The following TUSC3 variants were observed in gnomAD, a reference collection of about 807,000 sequenced individuals.
TUSC3 encodes the protein tumor suppressor candidate 3.
A neutral mutation model predicts 44.8 loss-of-function variants in TUSC3; 45 were observed. The observed-to-expected ratio is 1.00, with a 90% CI of 0.79 to 1.29. The LOEUF is 1.29. Among genes scored for constraint, TUSC3 ranks in the 50% most tolerant of loss-of-function variants. The probability of loss-of-function intolerance (pLI) is 0.00; values close to 1 mark genes in which losing one functional copy is unlikely to be tolerated. For synonymous variants in TUSC3, 212 were observed against 152.9 expected (o/e 1.39, Z -2.85); for missense variants, 519 against 437.9 (o/e 1.19, Z -1.65).
intron 2 of TUSC3, among the ~76,000 whole-genome samples, chr8:15,521,451 A>C (rs1178104571): frequency 6.6e-6 from 1 of 152,182 alleles, no homozygotes; most frequent in Non-Finnish European, 1.5e-5. Flanking sequence ...ATCTACAACC[A>C]ACCAGCCATA....
chr8:15,483,551 G>A, intron 2 of TUSC3: 1 of 155,404 alleles, frequency 6.4e-6, no homozygotes, highest in Admixed American at 6.5e-5. Context: ...CGTTGATCAG[G>A]CTGTCTTGAA....
In TUSC3 at chr8:15,745,831, G is replaced by GACTT. The variant is rs551620795; in HGVS notation, c.937+2221_937+2224dup. 2.3e-3 allele frequency among the ~76,000 whole-genome samples: 352 copies of GACTT among 152,002 alleles called. 2 individuals are homozygous for GACTT. Among genetic ancestry groups the GACTT allele is most frequent in the African/African-American group, 8.1e-3 (337 of 41,516 alleles). On this transcript the variant is annotated intron_variant, in intron 8 of 10. Coordinates refer to ENST00000503731, the MANE Select transcript of TUSC3 (RefSeq NM_006765.4). ...GTTTTTATTTGCAATTGCCTTTGGA[G>GACTT]ACTTAGTAAAAAAAATTCTTTGCCA...
chr8:15,721,356 A>G (rs1242575728), intron 6 of TUSC3, among the ~76,000 whole-genome samples: 2 of 152,022 alleles, frequency 1.3e-5, no homozygotes, highest in Non-Finnish European at 2.9e-5. Context: ...ATTTTAAGCC[A>G]TAAAAGTTTT....
At chr8:15,723,265 A>C (rs1163266800) in intron 6 of TUSC3, among the ~76,000 whole-genome samples, 1 of 152,160 alleles carries the variant, frequency 6.6e-6, no homozygotes, top group East Asian at 1.9e-4. Flanking sequence ...TTGCTAAACG[A>C]TGTCCTGCAA....
chr8:15,845,421 G>C, the TUSC3 span, among the ~76,000 whole-genome samples: 5 of 152,092 alleles, frequency 3.3e-5, no homozygotes, highest in Non-Finnish European at 7.4e-5. Context: ...ATGCATATGT[G>C]CATGTTTTTC....
intron 2 of TUSC3, among the ~76,000 whole-genome samples, chr8:15,504,611 ATATATATATATT>A (rs1488442738): frequency 2.3e-3 from 52 of 22,270 alleles, no homozygotes; most frequent in African/African-American, 9.9e-3. Flanking sequence ...ATATATATAT[ATATATATATATT>A]TTTTTTTTTT....
chr8:15,843,596 ATATATAT>A, the TUSC3 span, among the ~76,000 whole-genome samples: 810 of 136,154 alleles, frequency 5.9e-3, 21 homozygotes, highest in African/African-American at 0.019. Context: ...TGATGTACAT[ATATATAT>A]ATATATATAT....
At chr8:15,443,073 A>G (rs926297219) in intron 1 of TUSC3, among the ~76,000 whole-genome samples, 2 of 152,146 alleles carry the variant, frequency 1.3e-5, no homozygotes, top group African/African-American at 4.8e-5. Flanking sequence ...CTATCTTCAG[A>G]GTTCAGCTCA....
chr8:15,704,393 T>C (rs763508778), intron 6 of TUSC3, among the ~76,000 whole-genome samples: 13 of 151,762 alleles, frequency 8.6e-5, no homozygotes, highest in Non-Finnish European at 1.9e-4. Context: ...TTGACATGTG[T>C]TCTATATAAG....
intron 1 of TUSC3, among the ~76,000 whole-genome samples, chr8:15,555,576 T>A (rs936362641): frequency 3.3e-5 from 5 of 151,566 alleles, no homozygotes; most frequent in African/African-American, 1.2e-4. Context: ...ATTACAGTAT[T>A]ACAGTCTTAA....
At chr8:15,848,891 G>C in the TUSC3 span, among the ~76,000 whole-genome samples, 3 of 152,310 alleles carry the variant, frequency 2.0e-5, no homozygotes, top group South Asian at 4.1e-4. Context: ...AACTAATCTA[G>C]TGCTTAATCG....
the TUSC3 span, among the ~76,000 whole-genome samples, chr8:15,794,364 G>A: frequency 6.6e-6 from 1 of 152,072 alleles, no homozygotes; most frequent in Non-Finnish European, 1.5e-5. Context: ...GTTTCTAACT[G>A]GAAAATCAGA....
intron 2 of TUSC3, among the ~76,000 whole-genome samples, chr8:15,487,558 G>C (rs879342702): frequency 6.6e-6 from 1 of 152,152 alleles, no homozygotes; most frequent in Non-Finnish European, 1.5e-5. Flanking sequence ...TCTTGTTACT[G>C]AGATACTAAA....
At chr8:15,492,978 A>G (rs1255379556) in intron 2 of TUSC3, among the ~76,000 whole-genome samples, 2 of 152,150 alleles carry the variant, frequency 1.3e-5, no homozygotes, top group African/African-American at 4.8e-5. Flanking sequence ...TAACAGAGAA[A>G]GACCCTGTCT....
At chr8:15,576,367 A>T (rs1803114858) in intron 1 of TUSC3, among the ~76,000 whole-genome samples, 1 of 144,398 alleles carries the variant, frequency 6.9e-6, no homozygotes, top group Non-Finnish European at 1.5e-5. Flanking sequence ...TGTGCAGGTT[A>T]GTTACATATG....
At chr8:15,432,713 G>A (rs1053771453) in intron 1 of TUSC3, among the ~76,000 whole-genome samples, 2 of 152,122 alleles carry the variant, frequency 1.3e-5, no homozygotes, top group African/African-American at 4.8e-5. Context: ...CCTCCGAACT[G>A]TGAACTTAAT....
In TUSC3 at chr8:15,540,349, A is replaced by G. The variant is rs528698301; in HGVS notation, c.-82A>G. 5.0e-4 allele frequency: 698 copies of G among 1,394,008 alleles called. 1 individual carries two copies. In the African/African-American group the frequency reaches 5.1e-3, roughly 10 times the overall value. The allele number at this position is 1,394,008 out of a possible 1,614,324, so 86.4% of individuals were successfully genotyped here. On this transcript the variant is annotated 5_prime_UTR_variant, in exon 1 of 11. Coordinates refer to ENST00000503731, the MANE Select transcript of TUSC3 (RefSeq NM_006765.4). ...GAGGGCCCAGCCAGCGGGCTCCCGG[A>G]GGCTGGCCGGGCAGGCGTGGTGCGC...
the TUSC3 span, among the ~76,000 whole-genome samples, chr8:15,839,305 C>T: frequency 6.6e-6 from 1 of 152,086 alleles, no homozygotes; most frequent in East Asian, 1.9e-4. Context: ...CATCTGCAAA[C>T]AGGGACAATT....
chr8:15,712,730 T>A (rs537797027), intron 6 of TUSC3, among the ~76,000 whole-genome samples: 1 of 152,264 alleles, frequency 6.6e-6, no homozygotes, highest in Admixed American at 6.6e-5. Flanking sequence ...TTTGATTTAA[T>A]ACATTCCACA....
Sources: allele counts gnomAD v4.1 joint callset (sites outside exome capture counted in the v4.1 genomes callset), GRCh38; gene constraint gnomAD v4.1.1; transcripts MANE v1.5; gene names NCBI Gene and HGNC (gene_info 2026-07-23, HGNC 2026-07-21).